LARGE1: variants seen among roughly 807,000 people sequenced by gnomAD.
LARGE1 encodes LARGE xylosyl- and glucuronyltransferase 1, also known as xylosyl- and glucuronyltransferase LARGE1.
Under a neutral mutation model 87.6 loss-of-function variants are expected in LARGE1, and 43 were observed. The ratio of observed to expected loss-of-function variants is 0.49; its 90% CI spans 0.38 to 0.63. The LOEUF (loss-of-function observed/expected upper bound fraction) is 0.63. LARGE1 is among the 30% of genes least tolerant of loss of function. The pLI is 0.00. For synonymous variants in LARGE1, 434 were observed against 394.6 expected, an observed-to-expected ratio of 1.10 and a Z score of -1.18; for missense variants, 802 against 1,000.2, an observed-to-expected ratio of 0.80 and a Z score of 2.67.
intron 2 of LARGE1, among the ~76,000 whole-genome samples, chr22:33,692,398 C>T (rs2082122306): frequency 6.6e-6 from 1 of 152,206 alleles, no homozygotes; most frequent in Non-Finnish European, 1.5e-5. Flanking sequence ...GCAACCTCCA[C>T]CTCCCAGGTT....
At chr22:33,148,738 C>T in the LARGE1 span, among the ~76,000 whole-genome samples, 25 of 152,178 alleles carry the variant, frequency 1.6e-4, no homozygotes, top group African/African-American at 5.8e-4. Flanking sequence ...TCCTTGATAT[C>T]AGTTATGTTA....
intron 1 of LARGE1, among the ~76,000 whole-genome samples, chr22:33,846,704 G>A (rs35691171): frequency 3.5e-3 from 537 of 152,196 alleles, no homozygotes; most frequent in Non-Finnish European, 6.0e-3. Context: ...GTCTATAAAC[G>A]GCCCCCACTA....
chr22:33,896,455 C>A (rs972064340), intron 1 of LARGE1, among the ~76,000 whole-genome samples: 5 of 152,220 alleles, frequency 3.3e-5, no homozygotes, highest in African/African-American at 9.7e-5. Context: ...CTCAGCAGAA[C>A]TGCTAGATCT....
At chr22:33,916,380 C>A (rs1441481423) in intron 1 of LARGE1, among the ~76,000 whole-genome samples, 1 of 152,204 alleles carries the variant, frequency 6.6e-6, no homozygotes, top group Non-Finnish European at 1.5e-5. Context: ...AACCTCCACA[C>A]AGAGCATGGC....
chr22:33,552,024 G>T (rs910032848), intron 6 of LARGE1, among the ~76,000 whole-genome samples: 2 of 145,548 alleles, frequency 1.4e-5, no homozygotes, highest in African/African-American at 5.1e-5. Flanking sequence ...AAGTGATCTA[G>T]CTAAAAAATT....
intron 4 of LARGE1, among the ~76,000 whole-genome samples, chr22:33,610,584 T>A (rs888036984): frequency 2.0e-5 from 3 of 152,170 alleles, no homozygotes; most frequent in African/African-American, 7.2e-5. Flanking sequence ...TGTAAAAATT[T>A]GGAAATTTCG....
intron 2 of LARGE1, among the ~76,000 whole-genome samples, chr22:33,753,590 G>A (rs2084400699): frequency 6.6e-6 from 1 of 152,160 alleles, no homozygotes; most frequent in Admixed American, 6.5e-5. Flanking sequence ...GCAGCCACAG[G>A]AAACTCATAC....
chr22:33,631,162 T>C (rs5754624), intron 3 of LARGE1, among the ~76,000 whole-genome samples: 8,631 of 65,396 alleles, frequency 0.13, 339 homozygotes, highest in East Asian at 0.4. Context: ...CAACTGTCTA[T>C]TTTTTTTTTT....
At chr22:33,527,304 G>C (rs1251976971) in intron 6 of LARGE1, among the ~76,000 whole-genome samples, 1 of 152,192 alleles carries the variant, frequency 6.6e-6, no homozygotes, top group African/African-American at 2.4e-5. Context: ...GGTCGGATGA[G>C]CTAGATTTGG....
chr22:33,509,138 G>A (rs779842887), intron 6 of LARGE1, among the ~76,000 whole-genome samples: 1 of 152,004 alleles, frequency 6.6e-6, no homozygotes, highest in African/African-American at 2.4e-5. Context: ...ACTTTCCCAC[G>A]CATTATAATC....
intron 11 of LARGE1, among the ~76,000 whole-genome samples, chr22:33,247,481 A>T (rs1926819635): frequency 6.6e-6 from 1 of 152,236 alleles, no homozygotes; most frequent in South Asian, 2.1e-4. Flanking sequence ...TTGAAAAATC[A>T]CATCCAAATG....
the LARGE1 span, among the ~76,000 whole-genome samples, chr22:33,093,569 G>A: frequency 6.6e-6 from 1 of 152,198 alleles, no homozygotes; most frequent in Non-Finnish European, 1.5e-5. Flanking sequence ...GAATGAGCCT[G>A]AGATGGAGAC....
intron 2 of LARGE1, among the ~76,000 whole-genome samples, chr22:33,753,050 T>C (rs12157940): frequency 0.087 from 13,165 of 152,062 alleles, 701 homozygotes; most frequent in East Asian, 0.2. Flanking sequence ...TGAAAACCTG[T>C]CTTTACAAAA....
intron 1 of LARGE1, among the ~76,000 whole-genome samples, chr22:33,803,848 A>G (rs143351126): frequency 3.8e-4 from 58 of 152,336 alleles, no homozygotes; most frequent in African/African-American, 1.3e-3. Context: ...CAGAAGGAAA[A>G]CAGATGTTCA....
chr22:33,693,049 T>C (rs1242178868), intron 2 of LARGE1, among the ~76,000 whole-genome samples: 1 of 152,158 alleles, frequency 6.6e-6, no homozygotes, highest in African/African-American at 2.4e-5. Context: ...ATATACACCA[T>C]GGAATACTAC....
intron 2 of LARGE1, among the ~76,000 whole-genome samples, chr22:33,674,546 C>T (rs1187287588): frequency 1.2e-4 from 19 of 152,142 alleles, no homozygotes. Context: ...CGTGCATGCT[C>T]AGCCGACAGT....
chr22:33,730,355 A>C (rs1465966645), intron 2 of LARGE1, among the ~76,000 whole-genome samples: 1 of 152,242 alleles, frequency 6.6e-6, no homozygotes, highest in South Asian at 2.1e-4. Context: ...GCTTCTGGTC[A>C]ACAGTAGGTT....
chr22:33,613,638 A>G (rs2079503587), intron 4 of LARGE1, among the ~76,000 whole-genome samples: 1 of 152,082 alleles, frequency 6.6e-6, no homozygotes. Flanking sequence ...GATTACAGAC[A>G]TGTGCCATCA....
chr22:33,164,341 T>A (rs1922150440), exon 12 of LARGE1: 1 of 152,176 alleles, frequency 6.6e-6, no homozygotes, highest in Non-Finnish European at 1.5e-5. Context: ...AGTTCCCAAG[T>A]ACGTCTTCCA....
Sources: gnomAD v4.1 joint callset for allele counts (sites outside exome capture counted in the v4.1 genomes callset) on GRCh38, gnomAD v4.1.1 for gene constraint, MANE v1.5 for transcripts, NCBI Gene and HGNC (gene_info 2026-07-23, HGNC 2026-07-21) for gene names.